The following MEIS1 variants were observed in gnomAD, a reference collection of about 807,000 sequenced individuals.
MEIS1 encodes Meis homeobox 1, also known as homeobox protein Meis1.
A neutral mutation model predicts 50.8 loss-of-function variants in MEIS1; 5 were observed. The ratio of observed to expected loss-of-function variants is 0.10; its 90% CI spans 0.05 to 0.21. The LOEUF (loss-of-function observed/expected upper bound fraction) is 0.21. MEIS1 is among the 10% of genes least tolerant of loss of function. MEIS1 has a pLI of 1.00. For missense variants in MEIS1, 318 were observed against 517.3 expected (o/e 0.61, Z 3.74); for synonymous variants, 176 against 179.3 (o/e 0.98, Z 0.15).
At chr2:66,474,083 A>C (rs1672831943) in intron 7 of MEIS1, among the ~76,000 whole-genome samples, 2 of 145,310 alleles carry the variant, frequency 1.4e-5, no homozygotes, top group African/African-American at 5.7e-5. Context: ...GTACATATGC[A>C]ATCATCCATT....
chr2:66,440,046 C>T (rs1222006641), intron 3 of MEIS1, 62 bp downstream of exon 3: 1 of 1,500,062 alleles, frequency 6.7e-7, no homozygotes, highest in African/African-American at 1.5e-5. Flanking sequence ...TTCGCCAACA[C>T]ACACGCGCGC....
intron 8 of MEIS1, 127 bp from the exon 9 acceptor site, chr2:66,547,816 T>TC: frequency 1.3e-6 from 1 of 785,502 alleles, no homozygotes; most frequent in Non-Finnish European, 2.1e-6. Context: ...GATGTAGTAT[T>TC]CCATTAATAA....
rs2103849682 is a variant in MEIS1 at position 66,510,212 on chromosome 2, G to A, written c.743-1937G>A. Among the ~76,000 whole-genome samples the A allele has an allele frequency of 1.3e-5, 2 of 152,222 alleles. 1 individual carries two copies. On this transcript the variant is annotated intron_variant, in intron 7 of 12. Coordinates refer to ENST00000272369, the MANE Select transcript of MEIS1 (RefSeq NM_002398.3). ...GTAAACTGCTTCTCTGAATAAAAAG[G>A]CTGTTTAAATACTGGACTTTCAAAG...
chr2:66,564,003 ATAAT>A (rs1482089025), intron 9 of MEIS1, among the ~76,000 whole-genome samples: 1 of 152,222 alleles, frequency 6.6e-6, no homozygotes, highest in Non-Finnish European at 1.5e-5. Context: ...ATGACCCCAA[ATAAT>A]TAGTTGTTCA....
intron 7 of MEIS1, among the ~76,000 whole-genome samples, chr2:66,507,514 A>G (rs1271008211): frequency 6.6e-6 from 1 of 152,222 alleles, no homozygotes; most frequent in Non-Finnish European, 1.5e-5. Flanking sequence ...GCCCTCTAAT[A>G]GAAAACCTAT....
chr2:66,483,232 CTTTTTTTT>C (rs796234118), intron 7 of MEIS1, among the ~76,000 whole-genome samples: 4 of 109,628 alleles, frequency 3.6e-5, no homozygotes, highest in Non-Finnish European at 7.5e-5. Flanking sequence ...TTTTTTTTGT[CTTTTTTTT>C]TTTTGTCTTT....
chr2:66,451,582 T>C (rs1039364135), intron 6 of MEIS1, among the ~76,000 whole-genome samples: 2 of 152,072 alleles, frequency 1.3e-5, no homozygotes, highest in Non-Finnish European at 2.9e-5. Flanking sequence ...CCAAAACTAT[T>C]TGGATGTGTT....
chr2:66,545,217 TTTA>T (rs1300361685), intron 8 of MEIS1, among the ~76,000 whole-genome samples: 1 of 152,198 alleles, frequency 6.6e-6, no homozygotes, highest in Non-Finnish European at 1.5e-5. Context: ...TGTTGACATA[TTTA>T]TTAATTCTAT....
At chr2:66,497,256 G>C (rs1327968222) in intron 7 of MEIS1, among the ~76,000 whole-genome samples, 1 of 152,176 alleles carries the variant, frequency 6.6e-6, no homozygotes, top group Non-Finnish European at 1.5e-5. Flanking sequence ...AGTCAGATCT[G>C]GGTTGAATCC....
At chr2:66,495,651 G>T (rs1673383837) in intron 7 of MEIS1, among the ~76,000 whole-genome samples, 1 of 152,134 alleles carries the variant, frequency 6.6e-6, no homozygotes, top group South Asian at 2.1e-4. Flanking sequence ...TCCCAGTTTT[G>T]CATGGCAGAT....
At chr2:66,515,872 C>T (rs1346957797) in intron 8 of MEIS1, among the ~76,000 whole-genome samples, 3 of 152,180 alleles carry the variant, frequency 2.0e-5, no homozygotes, top group Admixed American at 6.5e-5. Context: ...TTAAAACGTG[C>T]TTAATATTTG....
At chr2:66,443,164 T>TA in intron 6 of MEIS1, 116 bp downstream of exon 6, 1 of 1,196,584 alleles carries the variant, frequency 8.4e-7, no homozygotes, top group Non-Finnish European at 1.1e-6. Flanking sequence ...CCCTTTTAGA[T>TA]ACATTTCCAT....
intron 6 of MEIS1, among the ~76,000 whole-genome samples, chr2:66,447,552 T>C (rs1334189152): frequency 1.3e-5 from 2 of 152,234 alleles, no homozygotes; most frequent in East Asian, 3.8e-4. Flanking sequence ...TCTAGGCCCT[T>C]TATTACATAG....
chr2:66,499,966 C>CT (rs1411832027), intron 7 of MEIS1, among the ~76,000 whole-genome samples: 2 of 152,046 alleles, frequency 1.3e-5, no homozygotes, highest in Admixed American at 6.5e-5. Flanking sequence ...ATTTATATGG[C>CT]TTTTTTTCCT....
At chr2:66,442,501 G>A (rs569568357) in intron 5 of MEIS1, among the ~76,000 whole-genome samples, 4 of 152,178 alleles carry the variant, frequency 2.6e-5, no homozygotes, top group Admixed American at 6.5e-5. Context: ...GAATATATAT[G>A]TGCATATATA....
chr2:66,505,496 C>T (rs775003530), intron 7 of MEIS1, among the ~76,000 whole-genome samples: 1 of 152,006 alleles, frequency 6.6e-6, no homozygotes, highest in Non-Finnish European at 1.5e-5. Flanking sequence ...TCAAGGAAAG[C>T]CAGAGTTCTA....
chr2:66,438,821 C>A (rs1671867826), intron 2 of MEIS1, among the ~76,000 whole-genome samples: 1 of 151,890 alleles, frequency 6.6e-6, no homozygotes, highest in Admixed American at 6.6e-5. Flanking sequence ...CACACTGACC[C>A]TCCCTCGCTG....
chr2:66,569,591 A>G (rs1025648857), intron 12 of MEIS1: 1 of 152,884 alleles, frequency 6.5e-6, no homozygotes, highest in South Asian at 2.1e-4. Flanking sequence ...CTTTTAGGTA[A>G]AATAAACACA....
intron 8 of MEIS1, among the ~76,000 whole-genome samples, chr2:66,544,955 A>T (rs1674754139): frequency 6.6e-6 from 1 of 152,168 alleles, no homozygotes; most frequent in African/African-American, 2.4e-5. Flanking sequence ...TTTTTGTGAC[A>T]CCACTTGCAT....
Sources: gnomAD v4.1 joint callset for allele counts (sites outside exome capture counted in the v4.1 genomes callset) on GRCh38, gnomAD v4.1.1 for gene constraint, MANE v1.5 for transcripts, NCBI Gene and HGNC (gene_info 2026-07-23, HGNC 2026-07-21) for gene names.